DDR2: variants seen among roughly 807,000 people sequenced by gnomAD.
DDR2 encodes discoidin domain receptor tyrosine kinase 2, also known as discoidin domain-containing receptor 2.
DDR2 carries 27 observed loss-of-function variants against 94.9 expected under a neutral mutation model. The observed-to-expected ratio is 0.28, with a 90% CI of 0.21 to 0.39. The LOEUF (loss-of-function observed/expected upper bound fraction) is 0.39. Ranked by LOEUF, DDR2 falls within the 10% of genes least tolerant of loss-of-function variation. The probability of loss-of-function intolerance (pLI) is 1.00; values close to 1 mark genes in which losing one functional copy is unlikely to be tolerated. For synonymous variants in DDR2, 382 were observed against 377.2 expected (o/e 1.01, Z -0.15); for missense variants, 783 against 1,076.0 (o/e 0.73, Z 3.81).
chr1:162,697,833 C>T (rs1442075821), intron 2 of DDR2, among the ~76,000 whole-genome samples: 1 of 152,162 alleles, frequency 6.6e-6, no homozygotes, highest in Non-Finnish European at 1.5e-5. Context: ...CTTAAACTCA[C>T]ACAGTTAGTA....
At chr1:162,677,239 G>A (rs1335709696) in intron 2 of DDR2, among the ~76,000 whole-genome samples, 2 of 152,080 alleles carry the variant, frequency 1.3e-5, no homozygotes, top group Admixed American at 6.6e-5. Context: ...CTAAGGGTCC[G>A]GGCAGGATGC....
intron 15 of DDR2, 78 bp from the exon 16 acceptor site, chr1:162,776,058 A>G (rs1180506691): frequency 4.3e-6 from 6 of 1,410,138 alleles, no homozygotes; most frequent in Non-Finnish European, 6.0e-6. Context: ...TAGTTTGTTG[A>G]TACCATTTTA....
At chr1:162,641,484 C>T (rs993165567) in intron 1 of DDR2, among the ~76,000 whole-genome samples, 1 of 152,178 alleles carries the variant, frequency 6.6e-6, no homozygotes, top group Non-Finnish European at 1.5e-5. Flanking sequence ...TGGTCAGTAT[C>T]ACTTAGTTTA....
upstream of DDR2, chr1:162,631,225 T>A (rs977704125): frequency 6.9e-6 from 1 of 145,668 alleles, no homozygotes; most frequent in Non-Finnish European, 1.5e-5. Flanking sequence ...TGTGTGTGTG[T>A]GCGCTTTTCC....
In DDR2 at chr1:162,706,663, T is replaced by C. The variant is rs910145237; in HGVS notation, c.-27-12374T>C. 2.0e-5 allele frequency among the ~76,000 whole-genome samples: 3 copies of C among 152,112 alleles called. No homozygotes were observed. The East Asian group carries it at 5.8e-4, about 29-fold the overall frequency. On this transcript the variant is annotated intron_variant, in intron 2 of 17. Coordinates refer to ENST00000367921, the MANE Select transcript of DDR2 (RefSeq NM_006182.4). ...CACACTTGGCCCTGGCAATGTGGTA[T>C]TTTTAACCTGGGCCAGAAAGTGGAG...
chr1:162,737,098 CT>C (rs926901048), intron 3 of DDR2, among the ~76,000 whole-genome samples: 15 of 146,810 alleles, frequency 1.0e-4, no homozygotes, highest in East Asian at 2.0e-4. Flanking sequence ...TTCTTTCTTT[CT>C]TTTTTTTCGT....
chr1:162,729,298 A>ATGTTGTTTTTTTTT lies in DDR2; in HGVS notation c.82+10154_82+10155insGTTGTTTTTTTTTT, dbSNP rs1324912200. ...TATCCATTTATATATATATATATAT[A>ATGTTGTTTTTTTTT]TATTTTTTTTTTTTTTTTTTTTCCT... On this transcript the variant is annotated intron_variant, in intron 3 of 17. Transcript: ENST00000367921. Among the ~76,000 whole-genome samples the ATGTTGTTTTTTTTT allele has an allele frequency of 1.2e-3, 43 of 34,456 alleles. 1 individual carries two copies. Among genetic ancestry groups the ATGTTGTTTTTTTTT allele is most frequent in the African/African-American group, 2.9e-3 (42 of 14,512 alleles). 22.6% of individuals were successfully genotyped at this position (34,456 alleles called of 152,430 possible).
chr1:162,739,596 C>A (rs1376046875), intron 3 of DDR2, among the ~76,000 whole-genome samples: 2 of 152,210 alleles, frequency 1.3e-5, no homozygotes, highest in Non-Finnish European at 2.9e-5. Context: ...CGTGAGCCAC[C>A]ATGCCTGGCC....
chr1:162,675,280 A>G (rs4657224), intron 2 of DDR2, among the ~76,000 whole-genome samples: 150,529 of 152,308 alleles, frequency 0.99, 74,403 homozygotes, highest in East Asian at 1. Context: ...ACAGGGTAGC[A>G]GGGATGGGGA....
intron 2 of DDR2, among the ~76,000 whole-genome samples, chr1:162,707,039 C>T (rs893684115): frequency 3.9e-5 from 6 of 152,136 alleles, no homozygotes; most frequent in African/African-American, 4.8e-5. Context: ...GAATCCCAGA[C>T]ACTTGGTGCT....
chr1:162,746,144 A>G (rs1662850433), intron 3 of DDR2, among the ~76,000 whole-genome samples: 1 of 152,158 alleles, frequency 6.6e-6, no homozygotes, highest in Non-Finnish European at 1.5e-5. Flanking sequence ...TGCAGCCCAC[A>G]GAGTGTGAGC....
At chr1:162,727,892 C>T (rs941067377) in intron 3 of DDR2, among the ~76,000 whole-genome samples, 22 of 148,610 alleles carry the variant, frequency 1.5e-4, no homozygotes, top group Middle Eastern at 3.5e-3. Context: ...GCTATCTTGC[C>T]ACATCCATAC....
chr1:162,635,312 C>T (rs1407136855), intron 1 of DDR2, among the ~76,000 whole-genome samples: 4 of 105,450 alleles, frequency 3.8e-5, no homozygotes, highest in Non-Finnish European at 9.6e-5. Context: ...TTGGAGCGGC[C>T]ACCCCCCATA....
At chr1:162,767,446 C>G in intron 11 of DDR2, 87 bp downstream of exon 11, 2 of 1,553,982 alleles carry the variant, frequency 1.3e-6, no homozygotes, top group Non-Finnish European at 1.7e-6. Flanking sequence ...AGGCAAATTG[C>G]AAACATTTAT....
At chr1:162,679,477 T>C (rs546365505) in intron 2 of DDR2, among the ~76,000 whole-genome samples, 3 of 151,876 alleles carry the variant, frequency 2.0e-5, no homozygotes, top group African/African-American at 7.3e-5. Flanking sequence ...GCAAAGGACA[T>C]GATCTCATTC....
intron 2 of DDR2, among the ~76,000 whole-genome samples, chr1:162,704,457 T>C (rs1295246708): frequency 6.6e-6 from 1 of 152,208 alleles, no homozygotes; most frequent in Non-Finnish European, 1.5e-5. Context: ...CTATCTACTC[T>C]ACCCCATTTG....
intron 2 of DDR2, among the ~76,000 whole-genome samples, chr1:162,690,288 C>T (rs1265897332): frequency 6.6e-6 from 1 of 152,072 alleles, no homozygotes; most frequent in Admixed American, 6.6e-5. Context: ...GCGTAGAAAC[C>T]CAGGCAGTCT....
intron 3 of DDR2, among the ~76,000 whole-genome samples, chr1:162,748,748 G>T (rs1373865686): frequency 6.6e-6 from 1 of 152,132 alleles, no homozygotes; most frequent in Non-Finnish European, 1.5e-5. Context: ...TGACCACATA[G>T]TTGGAAGTAA....
At chr1:162,731,739 G>T (rs13376288) in intron 3 of DDR2, among the ~76,000 whole-genome samples, 1 of 152,150 alleles carries the variant, frequency 6.6e-6, no homozygotes, top group Non-Finnish European at 1.5e-5. Context: ...TATAAAGTAT[G>T]CTAACTTCTT....
Sources: gnomAD v4.1 joint callset for allele counts (sites outside exome capture counted in the v4.1 genomes callset) on GRCh38, gnomAD v4.1.1 for gene constraint, MANE v1.5 for transcripts, NCBI Gene and HGNC (gene_info 2026-07-23, HGNC 2026-07-21) for gene names.